HELLS: variants seen among roughly 807,000 people sequenced by gnomAD.
HELLS encodes the protein lymphoid-specific helicase.
HELLS carries 32 observed loss-of-function variants against 120.0 expected under a neutral mutation model. The ratio of observed to expected loss-of-function variants is 0.27; its 90% CI spans 0.20 to 0.36. HELLS has a LOEUF of 0.36. Ranked by LOEUF, HELLS falls within the 10% of genes least tolerant of loss-of-function variation. The pLI, the probability that HELLS is intolerant of heterozygous loss-of-function variation, is 1.00. For synonymous variants in HELLS, 341 were observed against 323.4 expected (o/e 1.05, Z -0.58); for missense variants, 650 against 993.4 (o/e 0.65, Z 4.65).
intron 2 of HELLS, among the ~76,000 whole-genome samples, chr10:94,548,557 A>G (rs1842843309): frequency 6.6e-6 from 1 of 152,226 alleles, no homozygotes; most frequent in Non-Finnish European, 1.5e-5. Context: ...TATTTTATAT[A>G]TTTGCTGAGG....
At chr10:94,548,429 G>C (rs1842839986) in intron 2 of HELLS, among the ~76,000 whole-genome samples, 1 of 152,042 alleles carries the variant, frequency 6.6e-6, no homozygotes, top group Non-Finnish European at 1.5e-5. Context: ...GTGTTGGGTA[G>C]GGAAATAGCA....
intron 3 of HELLS, 40 bp from the exon 4 acceptor site, chr10:94,558,099 G>A: frequency 6.5e-7 from 1 of 1,538,838 alleles, no homozygotes; most frequent in South Asian, 1.3e-5. Flanking sequence ...TTTAAATGTT[G>A]CACTTTCCAC....
rs1430928557 is a variant in HELLS, at chr10:94,573,979, C to T, written c.497C>T (p.Thr166Ile). 3.7e-6 allele frequency: 6 copies of T among 1,606,260 alleles called. No homozygotes were observed. In the South Asian group the frequency reaches 6.6e-5, roughly 18 times the overall value. Residue 166 changes from threonine to isoleucine, a missense_variant, in exon 8 of 22, where the codon ACT (threonine) becomes ATT (isoleucine). Thr to Ile is a moderately conservative substitution (Grantham distance 89). Coordinates refer to ENST00000348459, the MANE Select transcript of HELLS (RefSeq NM_018063.5). ...CTACAGGATGAAAACTCCTCCTCTA[C>T]TAATCTCTGTGTGGAAGATCTTCAG... ...KENEDENSSS[T>I]NLCVEDLQKN...
At chr10:94,603,658 T>A (rs1846091227), downstream of HELLS, among the ~76,000 whole-genome samples, 1 of 152,216 alleles carries the variant, frequency 6.6e-6, no homozygotes, top group African/African-American at 2.4e-5. Context: ...TCTGTACTTT[T>A]CATCTTGTTT....
At position 94,554,133 on chromosome 10, in the gene HELLS, T is replaced by C; in HGVS notation, c.161T>C (p.Met54Thr). The C allele has an allele frequency of 1.3e-6, 2 of 1,579,302 alleles. No individual in the cohort carries two copies. ...AATTTTCTCTTTGGATAGGCTCGCA[T>C]GTCTTGGGATAGAGAGTCGACAGAA... is the stretch of plus-strand genomic sequence containing the variant. Reference protein sequence around the residue: ...RERKMLEKARMSWDRESTEIR... With the variant: ...RERKMLEKARTSWDRESTEIR... Residue 54 changes from methionine (M) to threonine (T), a missense_variant, in exon 3 of 22, where the codon ATG (methionine) becomes ACG (threonine). This residue lies in a region of HELLS where 90 missense variants were observed against 93.6 expected (regional missense o/e 0.96). Transcript: ENST00000348459.
At chr10:94,579,263 C>T (rs569532478) in intron 10 of HELLS, among the ~76,000 whole-genome samples, 4 of 146,148 alleles carry the variant, frequency 2.7e-5, no homozygotes, top group South Asian at 4.3e-4. Flanking sequence ...TTCAGTGGCG[C>T]GATCTTAGCT....
chr10:94,554,824 A>G (rs1173724912), intron 3 of HELLS, among the ~76,000 whole-genome samples: 1 of 152,004 alleles, frequency 6.6e-6, no homozygotes, highest in Admixed American at 6.6e-5. Context: ...GTCACGATTG[A>G]ATCAATCACG....
At chr10:94,563,536 G>C (rs1470424491) in intron 6 of HELLS, among the ~76,000 whole-genome samples, 2 of 151,426 alleles carry the variant, frequency 1.3e-5, no homozygotes, top group Non-Finnish European at 2.9e-5. Flanking sequence ...ACTCAAGCTG[G>C]AGTGCAGTGG....
intron 21 of HELLS, 27 bp from the exon 22 acceptor site, chr10:94,601,501 G>A (rs766945839): frequency 1.8e-6 from 2 of 1,118,712 alleles, no homozygotes; most frequent in Non-Finnish European, 2.7e-6. Context: ...CTTCTAAAAT[G>A]TACCTGTTTT....
chr10:94,574,514 T>A (rs1325846129), intron 8 of HELLS, 40 bp from the exon 9 acceptor site: 1 of 1,425,834 alleles, frequency 7.0e-7, no homozygotes, highest in Non-Finnish European at 9.8e-7. Flanking sequence ...TGTAGTTGTT[T>A]ATATCCAAGT....
intron 7 of HELLS, among the ~76,000 whole-genome samples, chr10:94,571,789 A>G (rs745571256): frequency 6.6e-6 from 1 of 152,196 alleles, no homozygotes; most frequent in Non-Finnish European, 1.5e-5. Flanking sequence ...TTCAGACCTT[A>G]AAGATTTTTT....
chr10:94,577,482 C>T (rs955515310), intron 10 of HELLS: 1 of 157,984 alleles, frequency 6.3e-6, no homozygotes. Flanking sequence ...AATCAAAACA[C>T]ATAAGTCATA....
chr10:94,579,391 TG>T (rs952750794), intron 10 of HELLS, among the ~76,000 whole-genome samples: 1 of 151,640 alleles, frequency 6.6e-6, no homozygotes, highest in Non-Finnish European at 1.5e-5. Context: ...CTAGTAGAGA[TG>T]GGGTTTCTCT....
At chr10:94,560,036 A>AT (rs1194653396) in intron 4 of HELLS, among the ~76,000 whole-genome samples, 9 of 151,842 alleles carry the variant, frequency 5.9e-5, no homozygotes, top group African/African-American at 2.2e-4. Flanking sequence ...CCTTTTATTT[A>AT]TTTATTTTTT....
chr10:94,575,771 TTGTGTGTGTGTGTGTGTGTGTGTGTGTG>T (rs71031588), intron 9 of HELLS, among the ~76,000 whole-genome samples: 6 of 122,772 alleles, frequency 4.9e-5, no homozygotes, highest in Non-Finnish European at 5.0e-5. Context: ...GGGGTTGTGT[TTGTGTGTGTGTGTGTGTGTGTGTGTGTG>T]TGTGTGTGTG....
Position 94,583,098 on chromosome 10 carries a change from G to A in HELLS, c.1326+39G>A, listed in dbSNP as rs758125969. 66 of 1,206,272 alleles carry A rather than the reference G, an allele frequency of 5.5e-5. No individual in the cohort carries two copies. The East Asian group carries it at 1.6e-3, about 29-fold the overall frequency. The allele number at this position is 1,206,272 out of a possible 1,614,324, so 74.7% of individuals were successfully genotyped here. On this transcript the variant is annotated intron_variant, in intron 12 of 21. Transcript: ENST00000348459. Reference sequence around the variant, plus strand: ...TCTTATTCTGCTTAACCATAGGCTCGATAGAGTATAAAAGGAACTCTGGAG... The same window carrying A: ...TCTTATTCTGCTTAACCATAGGCTCAATAGAGTATAAAAGGAACTCTGGAG...
downstream of HELLS, among the ~76,000 whole-genome samples, chr10:94,602,861 A>G (rs1846079805): frequency 6.6e-6 from 1 of 152,196 alleles, no homozygotes; most frequent in Admixed American, 6.5e-5. Context: ...TTACATAAGC[A>G]TGCTGACCTA....
At chr10:94,590,135 A>G (rs1387104296) in intron 13 of HELLS, among the ~76,000 whole-genome samples, 4 of 152,162 alleles carry the variant, frequency 2.6e-5, no homozygotes, top group Non-Finnish European at 5.9e-5. Context: ...TGTACTGCAA[A>G]TTTCCGGAGC....
At position 94,562,710 on chromosome 10, in the gene HELLS, C is replaced by G. The variant is rs768279945; in HGVS notation, c.353C>G (p.Ala118Gly). ...TTGTAGGGTAAAAATTCAATTGATG[C>G]AAGTGAAGAGAAGCCAGGTAAATAT... ...KVKKGKNSIDASEEKPVMRKK... is the reference protein window; with the variant it reads ...KVKKGKNSIDGSEEKPVMRKK... The change falls in exon 5 of 22, where the codon GCA becomes GGA. Residue 118 changes from alanine (A) to glycine (G), a missense_variant. Coordinates refer to ENST00000348459, the MANE Select transcript of HELLS (RefSeq NM_018063.5). The G allele has an allele frequency of 3.8e-6, 6 of 1,588,084 alleles. No homozygotes were observed. The East Asian group carries it at 1.3e-4, about 36-fold the overall frequency.
Sources: allele counts gnomAD v4.1 joint callset (sites outside exome capture counted in the v4.1 genomes callset), GRCh38; gene constraint gnomAD v4.1.1; regional missense constraint gnomAD v4.1.1; transcripts MANE v1.5; gene names NCBI Gene and HGNC (gene_info 2026-07-23, HGNC 2026-07-21).